AK8: variants seen among roughly 807,000 people sequenced by gnomAD.
AK8 encodes the protein adenylate kinase 8, also known as ATP-AMP transphosphorylase 8.
AK8 carries 44 observed loss-of-function variants against 54.6 expected under a neutral mutation model. The observed-to-expected ratio is 0.81, with a 90% CI of 0.63 to 1.04. AK8 has a LOEUF of 1.04. AK8 is among the 50% of genes least tolerant of loss of function. AK8 has a pLI of 0.00. For missense variants in AK8, 555 were observed against 613.6 expected (o/e 0.90, Z 1.01); for synonymous variants, 239 against 245.6 (o/e 0.97, Z 0.25).
At chr9:132,870,683 C>T (rs1386027675) in intron 2 of AK8, among the ~76,000 whole-genome samples, 2 of 152,216 alleles carry the variant, frequency 1.3e-5, no homozygotes, top group African/African-American at 2.4e-5. Context: ...GGGATGAGTC[C>T]GGGGCCTTCT....
At chr9:132,776,078 T>A (rs1364211110) in intron 11 of AK8, among the ~76,000 whole-genome samples, 1 of 152,188 alleles carries the variant, frequency 6.6e-6, no homozygotes, top group Non-Finnish European at 1.5e-5. Flanking sequence ...CTGGACTGCC[T>A]CTTACACAAA....
intron 11 of AK8, among the ~76,000 whole-genome samples, chr9:132,785,096 G>A (rs1466939624): frequency 3.3e-5 from 5 of 151,410 alleles, no homozygotes; most frequent in Admixed American, 6.6e-5. Context: ...CAGTACATGT[G>A]GGATACTCTT....
At chr9:132,777,626 G>A (rs1839279349) in intron 11 of AK8, among the ~76,000 whole-genome samples, 1 of 152,164 alleles carries the variant, frequency 6.6e-6, no homozygotes, top group Non-Finnish European at 1.5e-5. Context: ...CCAGCAAATG[G>A]TGGGCGGGGC....
chr9:132,775,328 G>A lies in AK8; in HGVS notation c.1121+17306C>T, dbSNP rs903016871. ...ATTTCCTTTTTTATTTTTTTGAGACGGAGTCTCACTATCACCCATGCTGGA... is the reference window on the plus strand; with the variant it reads ...ATTTCCTTTTTTATTTTTTTGAGACAGAGTCTCACTATCACCCATGCTGGA... On this transcript the variant is annotated intron_variant, in intron 11 of 12. Coordinates refer to ENST00000298545, the MANE Select transcript of AK8 (RefSeq NM_152572.3). Among the ~76,000 whole-genome samples the A allele has an allele frequency of 1.1e-4, 16 of 151,824 alleles. No homozygotes were observed. The South Asian group carries it at 2.1e-3, about 20-fold the overall frequency.
At chr9:132,727,321 T>C (rs1836622589) in intron 12 of AK8, 133 bp downstream of exon 12, 9 of 823,840 alleles carry the variant, frequency 1.1e-5, no homozygotes, top group Middle Eastern at 3.1e-4. Flanking sequence ...TTGGATAAAG[T>C]CCATTTTGAT....
At chr9:132,742,679 A>G (rs891609030) in intron 11 of AK8, among the ~76,000 whole-genome samples, 10 of 152,256 alleles carry the variant, frequency 6.6e-5, no homozygotes, top group African/African-American at 2.4e-4. Flanking sequence ...TGCCTTCCCC[A>G]TTAACTCCTC....
chr9:132,764,451 G>C (rs1838632638), intron 11 of AK8, among the ~76,000 whole-genome samples: 1 of 151,838 alleles, frequency 6.6e-6, no homozygotes, highest in African/African-American at 2.4e-5. Context: ...AAACAGAAAA[G>C]ACCCAAATAA....
chr9:132,819,404 G>A (rs899591372), intron 9 of AK8, among the ~76,000 whole-genome samples: 1 of 152,188 alleles, frequency 6.6e-6, no homozygotes, highest in Non-Finnish European at 1.5e-5. Context: ...GGAGGTCCTA[G>A]AACCAATCCC....
In AK8 at chr9:132,792,537, G is replaced by A. The variant is rs1409803562; in HGVS notation, c.1121+97C>T. ...AGGAGACATTCCACTTCAGGAACAC[G>A]TGAAGGCTTGTGTAACCTGGACCCC... On this transcript the variant is annotated intron_variant, in intron 11 of 12. Coordinates refer to ENST00000298545, the MANE Select transcript of AK8 (RefSeq NM_152572.3). 8 of 1,432,190 alleles carry A rather than the reference G, an allele frequency of 5.6e-6. No individual in the cohort carries two copies. In the African/African-American group the frequency reaches 5.7e-5, roughly 10 times the overall value. 88.7% of individuals were successfully genotyped at this position (1,432,190 alleles called of 1,614,324 possible).
intron 10 of AK8, among the ~76,000 whole-genome samples, chr9:132,812,878 GAGCCTA>G (rs879780092): frequency 0.015 from 2,135 of 139,730 alleles, 149 homozygotes; most frequent in Admixed American, 0.024. Context: ...TCACTGCCCT[GAGCCTA>G]CACAGATCAC....
At chr9:132,796,882 G>GACTCA (rs1840199372) in intron 10 of AK8, among the ~76,000 whole-genome samples, 1 of 147,176 alleles carries the variant, frequency 6.8e-6, no homozygotes, top group Non-Finnish European at 1.5e-5. Context: ...CTTGCTCATG[G>GACTCA]AGCCCAGGGT....
chr9:132,738,622 G>A (rs1257603048), intron 11 of AK8, among the ~76,000 whole-genome samples: 2 of 152,112 alleles, frequency 1.3e-5, no homozygotes, highest in Non-Finnish European at 1.5e-5. Context: ...GGGAGGGGAA[G>A]TTCAGGGATG....
At chr9:132,727,871 C>A (rs1375569274) in intron 11 of AK8, among the ~76,000 whole-genome samples, 1 of 152,190 alleles carries the variant, frequency 6.6e-6, no homozygotes, top group Non-Finnish European at 1.5e-5. Context: ...GTCCTATGCT[C>A]ACTGTGACTT....
chr9:132,854,757 C>A (rs1236672778), intron 5 of AK8, 100 bp downstream of exon 5: 6 of 1,325,740 alleles, frequency 4.5e-6, no homozygotes, highest in Non-Finnish European at 6.5e-6. Flanking sequence ...GCCTTACCTT[C>A]TCTTATGCCT....
At position 132,868,748 on chromosome 9, in the gene AK8, G is replaced by A. The variant is rs1843695440; in HGVS notation, c.170-1795C>T. On this transcript the variant is annotated intron_variant, in intron 2 of 12. Transcript: ENST00000298545. ...GGAGCCACACACAGTGACCTTCAGGGCCACCTCCTTGGCCATCCCCATCTC... is the reference window on the plus strand; with the variant it reads ...GGAGCCACACACAGTGACCTTCAGGACCACCTCCTTGGCCATCCCCATCTC... Among the ~76,000 whole-genome samples the A allele has an allele frequency of 5.3e-5, 8 of 152,324 alleles. No homozygotes were observed. The South Asian group carries it at 1.2e-3, about 24-fold the overall frequency.
intron 11 of AK8, among the ~76,000 whole-genome samples, chr9:132,735,404 C>T (rs1222342632): frequency 6.6e-6 from 1 of 152,202 alleles, no homozygotes; most frequent in Non-Finnish European, 1.5e-5. Flanking sequence ...AAATATGATG[C>T]CCGGTTCTGC....
chr9:132,763,708 A>G (rs756995103), intron 11 of AK8, among the ~76,000 whole-genome samples: 2 of 152,098 alleles, frequency 1.3e-5, no homozygotes, highest in African/African-American at 4.8e-5. Flanking sequence ...AATCCACTCC[A>G]CCCACTTGGC....
intron 10 of AK8, among the ~76,000 whole-genome samples, chr9:132,797,250 C>G (rs1184561913): frequency 6.6e-6 from 1 of 152,088 alleles, no homozygotes; most frequent in Non-Finnish European, 1.5e-5. Flanking sequence ...TGCTATACCC[C>G]AGCACCTGGC....
chr9:132,734,043 C>T (rs959589443), intron 11 of AK8, among the ~76,000 whole-genome samples: 1 of 152,174 alleles, frequency 6.6e-6, no homozygotes, highest in Non-Finnish European at 1.5e-5. Context: ...ATCTCAAGCC[C>T]CACTGCCCAC....
Sources: allele counts gnomAD v4.1 joint callset (sites outside exome capture counted in the v4.1 genomes callset), GRCh38; gene constraint gnomAD v4.1.1; transcripts MANE v1.5; gene names NCBI Gene and HGNC (gene_info 2026-07-23, HGNC 2026-07-21).